The following DDR2 variants were observed in gnomAD, a reference collection of about 807,000 sequenced individuals.
DDR2 encodes the protein discoidin domain-containing receptor 2.
DDR2 carries 27 observed loss-of-function variants against 94.9 expected under a neutral mutation model. That is an observed-to-expected ratio of 0.28 (90% CI 0.21 to 0.39). The LOEUF (loss-of-function observed/expected upper bound fraction) is 0.39. DDR2 is among the 10% of genes least tolerant of loss of function. The pLI, the probability that DDR2 is intolerant of heterozygous loss-of-function variation, is 1.00. For synonymous variants in DDR2, 382 were observed against 377.2 expected (o/e 1.01, Z -0.15); for missense variants, 783 against 1,076.0 (o/e 0.73, Z 3.81).
chr1:162,742,580 C>T (rs1164187101), intron 3 of DDR2, among the ~76,000 whole-genome samples: 2 of 152,250 alleles, frequency 1.3e-5, no homozygotes, highest in East Asian at 3.9e-4. Flanking sequence ...AGAGATCTTC[C>T]CCCATGATCC....
intron 1 of DDR2, among the ~76,000 whole-genome samples, chr1:162,654,255 G>A (rs1290333546): frequency 6.6e-6 from 1 of 152,070 alleles, no homozygotes; most frequent in Non-Finnish European, 1.5e-5. Context: ...AGACCAGCTT[G>A]GGCAACATAG....
At chr1:162,694,000 C>T (rs763938761) in intron 2 of DDR2, among the ~76,000 whole-genome samples, 3 of 152,146 alleles carry the variant, frequency 2.0e-5, no homozygotes, top group Admixed American at 6.5e-5. Context: ...CTCAGCCTCT[C>T]GAGTAGCTGG....
chr1:162,694,477 A>G (rs1238656490), intron 2 of DDR2, among the ~76,000 whole-genome samples: 1 of 152,008 alleles, frequency 6.6e-6, no homozygotes, highest in Non-Finnish European at 1.5e-5. Flanking sequence ...CATCCCTTAG[A>G]TCTCAGCTTA....
chr1:162,749,239 C>T (rs977912942), intron 3 of DDR2, among the ~76,000 whole-genome samples: 1 of 152,002 alleles, frequency 6.6e-6, no homozygotes, highest in Non-Finnish European at 1.5e-5. Context: ...AAAAGATCAA[C>T]AAAATTGATA....
intron 3 of DDR2, among the ~76,000 whole-genome samples, chr1:162,748,462 A>G (rs1347726945): frequency 1.3e-5 from 2 of 152,246 alleles, no homozygotes; most frequent in South Asian, 2.1e-4. Context: ...TATCCTAAAT[A>G]TATATGCACC....
rs1302320135 is a variant in DDR2 at position 162,761,261 on chromosome 1, A to G, written c.906A>G (p.Val302=). ...FAKGVKIFKE[V]QCYFRSEASE... Reference sequence around the variant, plus strand: ...AAGGTGTGAAGATCTTTAAGGAGGTACAGTGCTACTTCCGCTCTGAAGCCA... The same window carrying G: ...AAGGTGTGAAGATCTTTAAGGAGGTGCAGTGCTACTTCCGCTCTGAAGCCA... Residue 302 remains valine, a synonymous_variant, in exon 9 of 18, where the codon GTA becomes GTG. Coordinates refer to ENST00000367921, the MANE Select transcript of DDR2 (RefSeq NM_006182.4). 1 of 1,614,152 alleles carries G rather than the reference A, an allele frequency of 6.2e-7. No individual in the cohort carries two copies. Among genetic ancestry groups the G allele is most frequent in the African/African-American group, 1.3e-5 (1 of 75,038 alleles).
chr1:162,695,153 T>G (rs1273339119), intron 2 of DDR2, among the ~76,000 whole-genome samples: 1 of 152,252 alleles, frequency 6.6e-6, no homozygotes, highest in Admixed American at 6.5e-5. Flanking sequence ...TTCCAATTTA[T>G]TACAGTCCCT....
chr1:162,765,729 C>T (rs1221076260), intron 9 of DDR2, among the ~76,000 whole-genome samples: 2 of 150,168 alleles, frequency 1.3e-5, no homozygotes, highest in Non-Finnish European at 3.0e-5. Flanking sequence ...ATGTGTGGTA[C>T]AGCCCTTTGA....
chr1:162,760,070 G>A, intron 8 of DDR2, 91 bp downstream of exon 8: 1 of 1,538,532 alleles, frequency 6.5e-7, no homozygotes, highest in Non-Finnish European at 8.9e-7. Flanking sequence ...AGTCTAGGCT[G>A]ATGCCAGTTC....
intron 3 of DDR2, among the ~76,000 whole-genome samples, chr1:162,725,909 A>G (rs1661642472): frequency 6.6e-6 from 1 of 152,266 alleles, no homozygotes; most frequent in Non-Finnish European, 1.5e-5. Context: ...AGAATGGTGG[A>G]TTTAATCTAA....
At chr1:162,661,117 G>C (rs1658273014) in intron 2 of DDR2, among the ~76,000 whole-genome samples, 1 of 152,192 alleles carries the variant, frequency 6.6e-6, no homozygotes. Flanking sequence ...AAAGGGTCTT[G>C]AGCCTAAAAT....
chr1:162,755,569 C>A (rs754491687), intron 6 of DDR2, 95 bp from the exon 7 acceptor site: 41 of 1,235,460 alleles, frequency 3.3e-5, no homozygotes, highest in Non-Finnish European at 4.9e-5. Context: ...TCCTGCTGGA[C>A]ACGCTGTGCA....
At chr1:162,763,761 T>A (rs979758402) in intron 9 of DDR2, among the ~76,000 whole-genome samples, 10 of 152,162 alleles carry the variant, frequency 6.6e-5, no homozygotes, top group African/African-American at 2.4e-4. Flanking sequence ...AAGAAAGCAA[T>A]GAAATATGTA....
In DDR2 at chr1:162,759,931, T is replaced by C; in HGVS notation, c.807T>C (p.Ile269=). The change falls in exon 8 of 18, where the codon ATT becomes ATC. Residue 269 remains isoleucine, a synonymous_variant. Coordinates refer to ENST00000367921, the MANE Select transcript of DDR2 (RefSeq NM_006182.4). ...WRNESATNGY[I]EIMFEFDRIR... ...ACGAGAGTGCCACCAATGGCTACAT[T>C]GAGATCATGTTTGAATTTGACCGCA... 6.2e-7 allele frequency: 1 copy of C among 1,614,032 alleles called. No individual in the cohort carries two copies. Among genetic ancestry groups the C allele is most frequent in the Non-Finnish European group, 8.5e-7 (1 of 1,179,916 alleles).
chr1:162,688,694 T>C (rs1659808958), intron 2 of DDR2, among the ~76,000 whole-genome samples: 1 of 152,186 alleles, frequency 6.6e-6, no homozygotes, highest in Non-Finnish European at 1.5e-5. Flanking sequence ...GGAGGAGGGA[T>C]GTCTGTGGAG....
chr1:162,741,729 A>C (rs1023675486), intron 3 of DDR2: 1 of 985,258 alleles, frequency 1.0e-6, no homozygotes, highest in Non-Finnish European at 1.2e-6. Flanking sequence ...GAAGTTCTAC[A>C]TTATTAGTAG....
chr1:162,772,502 A>T (rs1647279870), intron 13 of DDR2: 5 of 497,144 alleles, frequency 1.0e-5, no homozygotes. Context: ...GATATCTTGA[A>T]AAACATTCAA....
At chr1:162,710,683 G>C (rs1660865747) in intron 2 of DDR2, among the ~76,000 whole-genome samples, 1 of 151,856 alleles carries the variant, frequency 6.6e-6, no homozygotes, top group South Asian at 2.1e-4. Flanking sequence ...AAAATACATA[G>C]CCCTAAATCA....
chr1:162,635,317 C>T (rs1025813527), intron 1 of DDR2, among the ~76,000 whole-genome samples: 4 of 151,972 alleles, frequency 2.6e-5, no homozygotes, highest in Admixed American at 2.6e-4. Flanking sequence ...GCGGCCACCC[C>T]CCATACATTC....
Sources: allele counts gnomAD v4.1 joint callset (sites outside exome capture counted in the v4.1 genomes callset), GRCh38; gene constraint gnomAD v4.1.1; transcripts MANE v1.5; gene names NCBI Gene and HGNC (gene_info 2026-07-23, HGNC 2026-07-21).